OTOGL: variants seen among roughly 807,000 people sequenced by gnomAD.
The protein encoded by OTOGL is otogelin-like protein.
Under a neutral mutation model 318.5 loss-of-function variants are expected in OTOGL, and 285 were observed. The ratio of observed to expected loss-of-function variants is 0.89; its 90% confidence interval spans 0.81 to 0.99. OTOGL has a LOEUF of 0.99. OTOGL is among the 50% of genes least tolerant of loss of function. OTOGL has a pLI of 0.00. For missense variants in OTOGL, 2,899 were observed against 2,845.6 expected (o/e 1.02, Z -0.43); for synonymous variants, 987 against 936.5 (o/e 1.05, Z -0.99).
chr12:80,132,219 C>A (rs1327247372), intron 1 of OTOGL: 1 of 152,138 alleles, frequency 6.6e-6, no homozygotes, highest in Non-Finnish European at 1.5e-5. Flanking sequence ...TTGTGCTGAA[C>A]CTTTATAGTC....
At position 80,380,326 on chromosome 12, in the gene OTOGL, A is replaced by G. The variant is rs1027776661; in HGVS notation, c.*2278A>G. On this transcript the variant is annotated 3_prime_UTR_variant, in exon 59 of 59. Transcript: ENST00000547103. ...AATTCTGCTTGGTAGAAAAAAGTCA[A>G]AAAAAGATAAAAGCAAAGAAACAAT... The G allele has an allele frequency of 1.3e-5, 2 of 152,020 alleles. No homozygotes were observed. Among genetic ancestry groups the G allele is most frequent in the Non-Finnish European group, 2.9e-5 (2 of 67,920 alleles). 9.4% of individuals were successfully genotyped at this position (152,020 alleles called of 1,614,324 possible). A position where few individuals can be genotyped will look rare whatever the true frequency, so the allele number is the denominator to read the frequency against.
intron 1 of OTOGL, among the ~76,000 whole-genome samples, chr12:80,155,110 C>T (rs968104096): frequency 1.8e-4 from 27 of 152,144 alleles, no homozygotes; most frequent in East Asian, 7.7e-4. Flanking sequence ...AGGTCTTTGG[C>T]GCATTTATAA....
chr12:80,294,214 CT>C (rs1885232780), intron 26 of OTOGL, among the ~76,000 whole-genome samples: 2 of 151,672 alleles, frequency 1.3e-5, no homozygotes, highest in Admixed American at 1.3e-4. Context: ...AGAAATGTGA[CT>C]TTTAGGTGTA....
chr12:80,184,052 A>G (rs576645287), intron 1 of OTOGL, among the ~76,000 whole-genome samples: 28 of 152,272 alleles, frequency 1.8e-4, no homozygotes, highest in Admixed American at 1.6e-3. Context: ...ATGGTACTTG[A>G]GACTAGATCA....
At chr12:80,346,657 CCTT>C (rs770060577) in intron 44 of OTOGL, among the ~76,000 whole-genome samples, 8 of 152,136 alleles carry the variant, frequency 5.3e-5, no homozygotes, top group African/African-American at 9.7e-5. Flanking sequence ...CTTTTTCACT[CCTT>C]CTGCCCACAC....
intron 49 of OTOGL, 59 bp downstream of exon 49, chr12:80,356,973 T>A (rs1200254023): frequency 9.5e-7 from 1 of 1,056,176 alleles, no homozygotes; most frequent in South Asian, 2.1e-5. Flanking sequence ...AAAAAATCTC[T>A]TATTTGATGT....
intron 1 of OTOGL, among the ~76,000 whole-genome samples, chr12:80,129,427 C>T (rs1871096898): frequency 6.6e-6 from 1 of 152,166 alleles, no homozygotes; most frequent in South Asian, 2.1e-4. Context: ...TATGTCATAA[C>T]TTGTCAAGCC....
intron 29 of OTOGL, among the ~76,000 whole-genome samples, chr12:80,307,849 C>G (rs1379157470): frequency 7.2e-6 from 1 of 138,588 alleles, no homozygotes; most frequent in Non-Finnish European, 1.5e-5. Context: ...CCGGACAGGG[C>G]GGCTGGCCGG....
At chr12:80,253,956 A>G (rs1430606681) in intron 14 of OTOGL, among the ~76,000 whole-genome samples, 4 of 152,122 alleles carry the variant, frequency 2.6e-5, no homozygotes, top group Admixed American at 6.6e-5. Flanking sequence ...TTAGAATTCC[A>G]TATTAAATTT....
chr12:80,337,917 T>A (rs1047011764), intron 42 of OTOGL, among the ~76,000 whole-genome samples: 1 of 152,124 alleles, frequency 6.6e-6, no homozygotes, highest in African/African-American at 2.4e-5. Flanking sequence ...GAGGTTGATA[T>A]ACTTACAGGA....
rs767675508 is a variant in OTOGL, at chr12:80,377,972, T to A, written c.6986T>A (p.Leu2329Gln). 24 of 1,606,344 alleles carry A rather than the reference T, an allele frequency of 1.5e-5. No homozygotes were observed. Among genetic ancestry groups the A allele is most frequent in the Non-Finnish European group, 2.0e-5 (24 of 1,175,762 alleles). ...GGAGTACGAAACTTGTCTGTGCCTC[T>A]GTATTGCTCAGGAAATGGCACTGAA... ...ENGVRNLSVP[L>Q]YCSGNGTEIM... Residue 2329 changes from leucine to glutamine, a missense_variant, in exon 59 of 59, where the codon CTG becomes CAG. By Grantham distance (113) the Leu-to-Gln change is moderately radical. Transcript: ENST00000547103.
intron 11 of OTOGL, among the ~76,000 whole-genome samples, chr12:80,243,062 A>G (rs1316526196): frequency 6.6e-6 from 1 of 152,098 alleles, no homozygotes; most frequent in African/African-American, 2.4e-5. Flanking sequence ...ATTAAAAATG[A>G]AAGAGTGGAA....
chr12:80,338,970 T>A, intron 42 of OTOGL, 105 bp from the exon 43 acceptor site: 2 of 983,696 alleles, frequency 2.0e-6, no homozygotes, highest in East Asian at 2.8e-5. Flanking sequence ...CTTAAAAAAA[T>A]TAAAAAATAG....
intron 26 of OTOGL, among the ~76,000 whole-genome samples, chr12:80,284,949 G>T (rs200681045): frequency 6.6e-6 from 1 of 151,410 alleles, no homozygotes; most frequent in Non-Finnish European, 1.5e-5. Context: ...TGAAGGCTTT[G>T]CTCATGCCCA....
intron 7 of OTOGL, among the ~76,000 whole-genome samples, chr12:80,226,975 G>A (rs1304118018): frequency 6.6e-6 from 1 of 152,054 alleles, no homozygotes; most frequent in Non-Finnish European, 1.5e-5. Context: ...TCAACCTCCA[G>A]AAGTTTTTAG....
intron 6 of OTOGL, 40 bp from the exon 7 acceptor site, chr12:80,222,051 A>T: frequency 6.4e-7 from 1 of 1,551,728 alleles, no homozygotes; most frequent in South Asian, 1.2e-5. Context: ...GAAACGTGTA[A>T]TTTATTTTGC....
intron 1 of OTOGL, among the ~76,000 whole-genome samples, chr12:80,197,114 A>G (rs1303522320): frequency 6.6e-6 from 1 of 152,178 alleles, no homozygotes; most frequent in Non-Finnish European, 1.5e-5. Flanking sequence ...TAACTCTTTC[A>G]GCCAATTGCC....
chr12:80,207,238 G>C (rs183093337), intron 1 of OTOGL, among the ~76,000 whole-genome samples: 426 of 151,852 alleles, frequency 2.8e-3, no homozygotes, highest in Non-Finnish European at 3.8e-3. Flanking sequence ...TTTTACTCTT[G>C]TTGCCCAGGC....
At position 80,336,073 on chromosome 12, in the gene OTOGL, CTG is replaced by C. The variant is rs763898293; in HGVS notation, c.4536_4537del (p.Cys1512TrpfsTer12). The C allele has an allele frequency of 5.0e-6, 8 of 1,598,706 alleles. No homozygotes were observed. The highest frequency in any genetic ancestry group is 6.8e-6 in the Non-Finnish European group (8 of 1,179,408). ...GCCCAAAGGACGTGGAAATGCCTGA[CTG>C]TGGTTTCCGAGGAAGGCCAGTTCAA... ...NCPKDVEMPD[C>X]GFRGRPVQVN... is the part of the protein sequence containing the mutation. On this transcript the variant is annotated frameshift_variant, in exon 39 of 59. Coordinates refer to ENST00000547103, the MANE Select transcript of OTOGL (RefSeq NM_001378609.3). LOFTEE classifies it high-confidence loss of function.
Sources: allele counts gnomAD v4.1 joint callset (sites outside exome capture counted in the v4.1 genomes callset), GRCh38; gene constraint gnomAD v4.1.1; transcripts MANE v1.5; gene names NCBI Gene and HGNC (gene_info 2026-07-23, HGNC 2026-07-21).